CYP4Z1: variants seen among roughly 807,000 people sequenced by gnomAD.
CYP4Z1 encodes the protein cytochrome P450 family 4 subfamily Z member 1.
Under a neutral mutation model 54.2 loss-of-function variants are expected in CYP4Z1, and 41 were observed. The ratio of observed to expected loss-of-function variants is 0.76; its 90% CI spans 0.59 to 0.98. CYP4Z1 has a LOEUF of 0.98. Among genes scored for constraint, CYP4Z1 ranks in the 50% least tolerant of loss-of-function variants. The pLI is 0.00. For synonymous variants in CYP4Z1, 163 were observed against 206.2 expected (o/e 0.79, Z 1.79); for missense variants, 513 against 599.0 (o/e 0.86, Z 1.50).
the CYP4Z1 span, among the ~76,000 whole-genome samples, chr1:47,061,408 A>G: frequency 6.6e-6 from 1 of 152,218 alleles, no homozygotes; most frequent in African/African-American, 2.4e-5. Context: ...GAACACCTCT[A>G]TGCACACAAA....
intron 8 of CYP4Z1, among the ~76,000 whole-genome samples, chr1:47,102,820 G>T (rs913126481): frequency 3.9e-4 from 60 of 152,080 alleles, no homozygotes; most frequent in Admixed American, 3.9e-3. Context: ...CTTTTGAATT[G>T]TATCTATTTG....
chr1:47,112,369 G>T (rs1292965651), intron 9 of CYP4Z1, among the ~76,000 whole-genome samples: 1 of 152,144 alleles, frequency 6.6e-6, no homozygotes. Context: ...AAATTGTAGA[G>T]CCCCTGAAAA....
chr1:47,059,531 C>T, the CYP4Z1 span, among the ~76,000 whole-genome samples: 24 of 152,134 alleles, frequency 1.6e-4, no homozygotes, highest in Admixed American at 3.3e-4. Flanking sequence ...CAATAATTTG[C>T]AACAGGCTGG....
chr1:47,109,628 T>C (rs1178755290), intron 9 of CYP4Z1, among the ~76,000 whole-genome samples: 1 of 152,224 alleles, frequency 6.6e-6, no homozygotes, highest in Non-Finnish European at 1.5e-5. Flanking sequence ...GCAGTCATTT[T>C]TTCTGGACAA....
chr1:47,107,389 G>T (rs1419329244), intron 9 of CYP4Z1, among the ~76,000 whole-genome samples: 1 of 152,016 alleles, frequency 6.6e-6, no homozygotes, highest in Non-Finnish European at 1.5e-5. Flanking sequence ...TCTCTCCAGA[G>T]AAAGATCTTT....
intron 6 of CYP4Z1, among the ~76,000 whole-genome samples, chr1:47,089,214 T>C (rs556562811): frequency 6.6e-6 from 1 of 152,306 alleles, no homozygotes; most frequent in East Asian, 1.9e-4. Flanking sequence ...GAATCTAACA[T>C]ATGTAATTAC....
At chr1:47,106,392 G>C (rs1166228192) in intron 9 of CYP4Z1, 131 bp downstream of exon 9, 5 of 1,148,766 alleles carry the variant, frequency 4.4e-6, no homozygotes, top group Non-Finnish European at 6.0e-6. Flanking sequence ...ATTTCCCAGA[G>C]AGGGAGAAAG....
chr1:47,062,424 G>A (rs1644429066), upstream of CYP4Z1, among the ~76,000 whole-genome samples: 1 of 152,170 alleles, frequency 6.6e-6, no homozygotes, highest in Non-Finnish European at 1.5e-5. Context: ...TCAATGAGGA[G>A]GCTCGTGGTC....
intron 7 of CYP4Z1, chr1:47,096,656 C>G (rs1175195922): frequency 6.8e-6 from 1 of 148,106 alleles, no homozygotes. Context: ...TTTAATGGAG[C>G]CTCACTCTGT....
intron 9 of CYP4Z1, among the ~76,000 whole-genome samples, chr1:47,111,100 A>G (rs1644789202): frequency 6.6e-6 from 1 of 152,174 alleles, no homozygotes; most frequent in African/African-American, 2.4e-5. Flanking sequence ...TGAAGTTCAA[A>G]AATTAGTCTT....
intron 2 of CYP4Z1, among the ~76,000 whole-genome samples, chr1:47,069,653 C>T (rs1644477812): frequency 1.3e-5 from 2 of 151,878 alleles, no homozygotes; most frequent in Non-Finnish European, 2.9e-5. Context: ...TCTTTATCTA[C>T]AAATTCTCTC....
At chr1:47,060,525 C>T in the CYP4Z1 span, among the ~76,000 whole-genome samples, 1 of 152,162 alleles carries the variant, frequency 6.6e-6, no homozygotes, top group Non-Finnish European at 1.5e-5. Context: ...AATATATATT[C>T]ATCTAATACA....
intron 6 of CYP4Z1, 68 bp downstream of exon 6, chr1:47,085,046 G>C: frequency 1.6e-6 from 1 of 629,224 alleles, no homozygotes; most frequent in Non-Finnish European, 2.7e-6. Flanking sequence ...CATTGACTCT[G>C]GTTATGGCTG....
At chr1:47,082,015 A>C (rs1353091245) in intron 3 of CYP4Z1, among the ~76,000 whole-genome samples, 3 of 149,938 alleles carry the variant, frequency 2.0e-5, no homozygotes, top group Admixed American at 1.3e-4. Flanking sequence ...TGAAGGATTA[A>C]GCCAAGGAAT....
intron 8 of CYP4Z1, among the ~76,000 whole-genome samples, chr1:47,100,527 A>G (rs1569742157): frequency 6.6e-6 from 1 of 152,334 alleles, no homozygotes; most frequent in South Asian, 2.1e-4. Context: ...TGTATATGCT[A>G]CCTGCCAGTT....
chr1:47,074,114 A>T, intron 2 of CYP4Z1, among the ~76,000 whole-genome samples: 1 of 152,216 alleles, frequency 6.6e-6, no homozygotes, highest in East Asian at 1.9e-4. Flanking sequence ...TTTTTGGGTG[A>T]AAGAAGCCTA....
chr1:47,116,697 T>C lies in CYP4Z1; in HGVS notation c.1314T>C (p.His438=). 2 of 1,612,052 alleles carry C rather than the reference T, an allele frequency of 1.2e-6. No homozygotes were observed. The highest frequency in any genetic ancestry group is 1.1e-5 in the South Asian group (1 of 90,818). ...CCAGGGAAAATTCTGAAAAAATACA[T>C]CCCTATGCCTTCATACCATTCTCAG... ...RFSRENSEKI[H]PYAFIPFSAG... Residue 438 remains histidine (H), a synonymous_variant, in exon 11 of 12, where the codon CAT becomes CAC. Transcript: ENST00000334194.
upstream of CYP4Z1, among the ~76,000 whole-genome samples, chr1:47,062,842 G>C (rs1439705971): frequency 6.6e-6 from 1 of 152,116 alleles, no homozygotes; most frequent in East Asian, 1.9e-4. Context: ...TACATAACCA[G>C]GTGTCTCTAC....
At chr1:47,089,933 A>G (rs912922292) in intron 6 of CYP4Z1, among the ~76,000 whole-genome samples, 11 of 152,296 alleles carry the variant, frequency 7.2e-5, no homozygotes, top group Non-Finnish European at 1.5e-4. Context: ...GAGAAATATG[A>G]TATTGGATGC....
Sources: allele counts gnomAD v4.1 joint callset (sites outside exome capture counted in the v4.1 genomes callset), GRCh38; gene constraint gnomAD v4.1.1; transcripts MANE v1.5; gene names NCBI Gene and HGNC (gene_info 2026-07-23, HGNC 2026-07-21).